Variants in COPG2 observed in about 807,000 individuals in gnomAD.
COPG2 encodes coatomer subunit gamma-2.
In COPG2, 37 loss-of-function variants were observed where a neutral mutation model predicts 46.3. The observed-to-expected ratio is 0.80, with a 90% confidence interval of 0.61 to 1.05. COPG2 has a LOEUF of 1.05. Among genes scored for constraint, COPG2 ranks in the 50% least tolerant of loss-of-function variants. COPG2 has a pLI of 0.00. For synonymous variants in COPG2, 159 were observed against 129.7 expected (o/e 1.23, Z -1.53); for missense variants, 427 against 387.8 (o/e 1.10, Z -0.85).
rs1215968781 is a variant in COPG2 at position 130,513,337 on chromosome 7, A to G, written c.2150-4678T>C. Among the ~76,000 whole-genome samples, 51 of 76,586 alleles carry G rather than the reference A, an allele frequency of 6.7e-4. 2 individuals are homozygous for G. Among genetic ancestry groups the G allele is most frequent in the African/African-American group, 1.5e-3 (36 of 23,402 alleles). 50.2% of individuals were successfully genotyped at this position (76,586 alleles called of 152,430 possible). ...TATATATATATATATATATATATAT[A>G]TATATGTGTGTGTGTGTGTGTGTAT... On this transcript the variant is annotated intron_variant, in intron 20 of 23. Transcript: ENST00000425248.
chr7:130,541,639 T>G (rs1462077758), intron 20 of COPG2, among the ~76,000 whole-genome samples: 3 of 151,564 alleles, frequency 2.0e-5, no homozygotes, highest in African/African-American at 7.3e-5. Context: ...TTTTACACAG[T>G]GTGAAAGAAA....
At position 130,652,920 on chromosome 7, in the gene COPG2, G is replaced by C; in HGVS notation, c.272C>G (p.Thr91Ser). ...AGAGATGGTAGCCATTTCTTTGATG[G>C]TAAGGTAGCACATTCTCCTCAATGT... Reference protein sequence around the residue: ...DQTLRRMCYLTIKEMATISED... With the variant: ...DQTLRRMCYLSIKEMATISED... Residue 91 changes from threonine (T) to serine (S), a missense_variant, in exon 5 of 24, where the codon ACC becomes AGC. Coordinates refer to ENST00000425248, the MANE Select transcript of COPG2 (RefSeq NM_012133.6). The C allele has an allele frequency of 6.2e-7, 1 of 1,605,882 alleles. No homozygotes were observed. Among genetic ancestry groups the C allele is most frequent in the Non-Finnish European group, 8.5e-7 (1 of 1,175,158 alleles).
At chr7:130,553,766 A>G (rs1360882695) in intron 14 of COPG2, among the ~76,000 whole-genome samples, 6 of 152,216 alleles carry the variant, frequency 3.9e-5, no homozygotes, top group Non-Finnish European at 7.3e-5. Flanking sequence ...TGGAAAGAGG[A>G]GCTCTGTAAA....
chr7:130,610,112 G>A, intron 9 of COPG2: 1 of 519,226 alleles, frequency 1.9e-6, no homozygotes, highest in Non-Finnish European at 3.9e-6. Context: ...ACATGTCACT[G>A]CCTCTGTATT....
At chr7:130,610,258 C>T (rs1002673711) in intron 9 of COPG2, among the ~76,000 whole-genome samples, 13 of 152,174 alleles carry the variant, frequency 8.5e-5, no homozygotes, top group Admixed American at 6.5e-5. Context: ...TTTGCTGCAG[C>T]TTTAATTAAA....
chr7:130,620,141 T>C (rs1795013676), intron 5 of COPG2, among the ~76,000 whole-genome samples: 1 of 152,218 alleles, frequency 6.6e-6, no homozygotes, highest in South Asian at 2.1e-4. Context: ...ATAGGGTTAC[T>C]ACTTCAGCAA....
At chr7:130,639,867 G>A (rs111670132) in intron 5 of COPG2, among the ~76,000 whole-genome samples, 35 of 152,200 alleles carry the variant, frequency 2.3e-4, no homozygotes, top group Admixed American at 3.9e-4. Context: ...AAGAGTTTCA[G>A]CTCCCTGTAC....
At chr7:130,522,847 A>C (rs1799735523) in intron 20 of COPG2, among the ~76,000 whole-genome samples, 1 of 152,020 alleles carries the variant, frequency 6.6e-6, no homozygotes, top group Admixed American at 6.6e-5. Context: ...CTTCAACAGT[A>C]AATGCAAGCA....
chr7:130,667,214 A>T (rs1554461600), intron 2 of COPG2, among the ~76,000 whole-genome samples: 18 of 152,244 alleles, frequency 1.2e-4, no homozygotes, highest in Non-Finnish European at 2.9e-5. Flanking sequence ...ATTAATACAG[A>T]TAACTGATTT....
At chr7:130,590,563 T>C (rs1794380743) in intron 9 of COPG2, among the ~76,000 whole-genome samples, 1 of 152,060 alleles carries the variant, frequency 6.6e-6, no homozygotes, top group African/African-American at 2.4e-5. Context: ...CAGTGCTCAA[T>C]GGTGCCCAGG....
At chr7:130,661,977 C>T (rs73158095) in intron 4 of COPG2, among the ~76,000 whole-genome samples, 1 of 152,008 alleles carries the variant, frequency 6.6e-6, no homozygotes, top group African/African-American at 2.4e-5. Flanking sequence ...CACACTCTTG[C>T]AGGACATCTT....
At chr7:130,627,508 C>T (rs1795139470) in intron 5 of COPG2, among the ~76,000 whole-genome samples, 2 of 152,190 alleles carry the variant, frequency 1.3e-5, no homozygotes, top group African/African-American at 4.8e-5. Context: ...CTGAAGTCAG[C>T]TCCACTCTTG....
intron 20 of COPG2, chr7:130,511,851 G>A (rs1249667047): frequency 1.9e-6 from 1 of 519,214 alleles, no homozygotes; most frequent in Non-Finnish European, 3.9e-6. Flanking sequence ...AGCTCTTAAA[G>A]CTTTTGAGGG....
intron 9 of COPG2, among the ~76,000 whole-genome samples, chr7:130,599,735 C>T (rs1172577105): frequency 6.6e-6 from 1 of 151,990 alleles, no homozygotes; most frequent in Non-Finnish European, 1.5e-5. Flanking sequence ...GGGATGCATA[C>T]CCAGGAAAAA....
intron 5 of COPG2, among the ~76,000 whole-genome samples, chr7:130,640,341 A>C (rs1795440804): frequency 6.6e-6 from 1 of 151,702 alleles, no homozygotes; most frequent in South Asian, 2.1e-4. Flanking sequence ...GTCATTCATT[A>C]AGTATTGTTT....
intron 13 of COPG2, 39 bp from the exon 14 acceptor site, chr7:130,554,763 G>T (rs1034015245): frequency 1.0e-5 from 4 of 398,390 alleles, no homozygotes; most frequent in Admixed American, 8.8e-5. Flanking sequence ...TCATTCTAGG[G>T]ACACATTTTG....
intron 9 of COPG2, among the ~76,000 whole-genome samples, chr7:130,604,228 T>C (rs1794688475): frequency 6.6e-6 from 1 of 152,188 alleles, no homozygotes; most frequent in Non-Finnish European, 1.5e-5. Flanking sequence ...AATGTAGGCA[T>C]TTCTGTTTGG....
At chr7:130,578,226 C>A (rs532961965) in intron 9 of COPG2, among the ~76,000 whole-genome samples, 20,514 of 148,390 alleles carry the variant, frequency 0.14, 2,321 homozygotes, top group African/African-American at 0.34. Flanking sequence ...AGGCACCCCC[C>A]AGCAGGGGCA....
At chr7:130,664,854 G>A (rs1210349706) in intron 3 of COPG2, among the ~76,000 whole-genome samples, 1 of 152,182 alleles carries the variant, frequency 6.6e-6, no homozygotes, top group Non-Finnish European at 1.5e-5. Context: ...GAGGGATTAT[G>A]TTGTTTGTGA....
Sources: allele counts gnomAD v4.1 joint callset (sites outside exome capture counted in the v4.1 genomes callset), GRCh38; gene constraint gnomAD v4.1.1; transcripts MANE v1.5; gene names NCBI Gene and HGNC (gene_info 2026-07-23, HGNC 2026-07-21).